Variants in CLMP observed in about 807,000 individuals in gnomAD.
The protein encoded by CLMP is CXADR-like membrane protein.
Under a neutral mutation model 45.2 loss-of-function variants are expected in CLMP, and 27 were observed. That is an observed-to-expected ratio of 0.60 (90% CI 0.44 to 0.82). CLMP has a LOEUF of 0.82. Ranked by LOEUF, CLMP falls within the 40% of genes least tolerant of loss-of-function variation. CLMP has a pLI of 0.00. For missense variants in CLMP, 403 were observed against 448.4 expected, an observed-to-expected ratio of 0.90 and a Z score of 0.91; for synonymous variants, 167 against 171.4, an observed-to-expected ratio of 0.97 and a Z score of 0.20.
In CLMP at chr11:123,118,985, CTTTCTTTCTTTCTT is replaced by C. The variant is rs1287728152; in HGVS notation, c.29-21047_29-21034del. ...TCTTTCTTTCTTTCTTTCTTTCTTT[CTTTCTTTCTTTCTT>C]TCTCTCTCTCTCTCTCTCTCTCTCT... On this transcript the variant is annotated intron_variant, in intron 1 of 6. Transcript: ENST00000448775. 4.5e-3 allele frequency among the ~76,000 whole-genome samples: 212 copies of C among 47,636 alleles called. 8 individuals carry two copies. The highest frequency in any genetic ancestry group is 9.6e-3 in the Middle Eastern group (1 of 104). 31.3% of individuals were successfully genotyped at this position (47,636 alleles called of 152,430 possible).
intron 5 of CLMP, among the ~76,000 whole-genome samples, chr11:123,077,597 G>T (rs1337602872): frequency 6.6e-6 from 1 of 152,086 alleles, no homozygotes; most frequent in Non-Finnish European, 1.5e-5. Flanking sequence ...AAGTGTTGGG[G>T]TTACAGGTGT....
chr11:123,168,403 G>C (rs1265839459), intron 1 of CLMP, among the ~76,000 whole-genome samples: 1 of 152,120 alleles, frequency 6.6e-6, no homozygotes, highest in Non-Finnish European at 1.5e-5. Flanking sequence ...TCTTTTTGTG[G>C]CTTTTCTCTG....
intron 4 of CLMP, 151 bp downstream of exon 4, chr11:123,083,529 C>A: frequency 1.3e-6 from 1 of 754,228 alleles, no homozygotes; most frequent in Non-Finnish European, 2.2e-6. Context: ...GACAGATTTT[C>A]TGTTCTAGTT....
At chr11:123,147,325 C>T (rs1861252966) in intron 1 of CLMP, among the ~76,000 whole-genome samples, 1 of 152,190 alleles carries the variant, frequency 6.6e-6, no homozygotes, top group African/African-American at 2.4e-5. Flanking sequence ...TTTTCTCCAC[C>T]TGGAAAAACC....
At chr11:123,146,706 C>T (rs147115727) in intron 1 of CLMP, among the ~76,000 whole-genome samples, 60 of 152,222 alleles carry the variant, frequency 3.9e-4, no homozygotes, top group Non-Finnish European at 7.1e-4. Context: ...TCTTTCATCT[C>T]TCCTCCCCAG....
chr11:123,112,819 G>A (rs922337145), intron 1 of CLMP, among the ~76,000 whole-genome samples: 3 of 143,200 alleles, frequency 2.1e-5, no homozygotes, highest in South Asian at 2.2e-4. Flanking sequence ...TGTCACCCAG[G>A]CTGGAGTGCA....
intron 1 of CLMP, among the ~76,000 whole-genome samples, chr11:123,179,833 G>A (rs1861746307): frequency 6.6e-6 from 1 of 152,166 alleles, no homozygotes; most frequent in Non-Finnish European, 1.5e-5. Flanking sequence ...ATAGTTTAAG[G>A]AAAGTCCACC....
At chr11:123,172,768 G>T (rs1861653176) in intron 1 of CLMP, among the ~76,000 whole-genome samples, 2 of 152,218 alleles carry the variant, frequency 1.3e-5, no homozygotes, top group Non-Finnish European at 2.9e-5. Context: ...TTACAGGTGT[G>T]AGCCACCACA....
chr11:123,166,662 C>A (rs909964597), intron 1 of CLMP, among the ~76,000 whole-genome samples: 1 of 152,204 alleles, frequency 6.6e-6, no homozygotes, highest in Admixed American at 6.5e-5. Context: ...CATAAGAGCT[C>A]CACCATCTCA....
At chr11:123,110,400 G>A (rs1860621894) in intron 1 of CLMP, among the ~76,000 whole-genome samples, 1 of 150,940 alleles carries the variant, frequency 6.6e-6, no homozygotes, top group Non-Finnish European at 1.5e-5. Context: ...GTTGCCATGA[G>A]CCCTGATTGT....
At chr11:123,083,003 C>G in intron 5 of CLMP, 82 bp downstream of exon 5, 5 of 1,531,512 alleles carry the variant, frequency 3.3e-6, no homozygotes, top group Non-Finnish European at 4.5e-6. Flanking sequence ...CTTACTCTTA[C>G]TTATGATTAG....
intron 1 of CLMP, among the ~76,000 whole-genome samples, chr11:123,175,408 T>C (rs1403281845): frequency 1.3e-5 from 2 of 150,184 alleles, no homozygotes; most frequent in African/African-American, 5.1e-5. Context: ...AACCACCCCA[T>C]GATCCAGTCA....
chr11:123,075,417 C>T (rs1338878775), intron 5 of CLMP, among the ~76,000 whole-genome samples: 1 of 151,936 alleles, frequency 6.6e-6, no homozygotes. Context: ...GAGGGAGTCT[C>T]GCTGTGTCCC....
In CLMP at chr11:123,083,116, C is replaced by T. The variant is rs201134373; in HGVS notation, c.648G>A (p.Lys216=). 6.2e-7 allele frequency: 1 copy of T among 1,614,204 alleles called. No homozygotes were observed. Among genetic ancestry groups the T allele is most frequent in the East Asian group, 2.2e-5 (1 of 44,888 alleles). The change falls in exon 5 of 7, where the codon AAG becomes AAA. Residue 216 remains lysine (K), a synonymous_variant. Coordinates refer to ENST00000448775, the MANE Select transcript of CLMP (RefSeq NM_024769.5). ...YQCTAGNEAG[K]ESCVVRVTVQ... is the part of the protein sequence containing the mutation. ...CAGTTACTCGCACCACACAGCTTTC[C>T]TTCCCAGCTTCGTTGCCTGCTGTGC... is the stretch of plus-strand genomic sequence containing the variant.
intron 1 of CLMP, among the ~76,000 whole-genome samples, chr11:123,177,719 A>G (rs1201722154): frequency 1.3e-5 from 2 of 152,186 alleles, no homozygotes; most frequent in Non-Finnish European, 2.9e-5. Context: ...GGTTTATGAC[A>G]CATGTTTAAA....
Position 123,190,598 on chromosome 11 carries a change from C to A in CLMP, c.28+4315G>T, listed in dbSNP as rs190576326. Among the ~76,000 whole-genome samples the A allele has an allele frequency of 5.9e-5, 9 of 152,272 alleles. No homozygotes were observed. In the East Asian group the frequency reaches 1.5e-3, roughly 26 times the overall value. ...AGTCCTGTTCCTTGTACACATACAC[C>A]CACATCTTTGGGACTTTGAGTATTA... On this transcript the variant is annotated intron_variant, in intron 1 of 6. Coordinates refer to ENST00000448775, the MANE Select transcript of CLMP (RefSeq NM_024769.5).
chr11:123,129,359 A>C (rs12289830), intron 1 of CLMP, among the ~76,000 whole-genome samples: 8,767 of 122,006 alleles, frequency 0.072, 398 homozygotes, highest in East Asian at 0.15. Context: ...ATATCATATG[A>C]TATATTATAT....
intron 1 of CLMP, among the ~76,000 whole-genome samples, chr11:123,107,534 A>AT (rs370750162): frequency 0.14 from 17,137 of 123,366 alleles, 1,399 homozygotes; most frequent in Admixed American, 0.15. Context: ...CCTGACCTAA[A>AT]TTTTTTTTTT....
At position 123,164,914 on chromosome 11, in the gene CLMP, A is replaced by G. The variant is rs1018900857; in HGVS notation, c.28+29999T>C. On this transcript the variant is annotated intron_variant, in intron 1 of 6. Transcript: ENST00000448775. ...CTTAGAATCATTGGAATTGAAACTA[A>G]CCAAAGAATGTTATAACATAATCAA... Among the ~76,000 whole-genome samples the G allele has an allele frequency of 5.9e-5, 9 of 152,334 alleles. No homozygotes were observed. The South Asian group carries it at 1.0e-3, about 18-fold the overall frequency.
Sources: gnomAD v4.1 joint callset for allele counts (sites outside exome capture counted in the v4.1 genomes callset) on GRCh38, gnomAD v4.1.1 for gene constraint, MANE v1.5 for transcripts, NCBI Gene and HGNC (gene_info 2026-07-23, HGNC 2026-07-21) for gene names.